CBR4: variants seen among roughly 807,000 people sequenced by gnomAD.
CBR4 encodes the protein carbonyl reductase 4.
In CBR4, 22 loss-of-function variants were observed where a neutral mutation model predicts 21.0. That is an observed-to-expected ratio of 1.05 (90% CI 0.75 to 1.50). The LOEUF is 1.50. Ranked by LOEUF, CBR4 falls within the 40% of genes most tolerant of loss-of-function variation. CBR4 has a pLI of 0.00. For synonymous variants in CBR4, 100 were observed against 104.4 expected, an observed-to-expected ratio of 0.96 and a Z score of 0.26; for missense variants, 302 against 286.3, an observed-to-expected ratio of 1.05 and a Z score of -0.40.
chr4:168,920,359 T>C (rs1761198634), intron 2 of CBR4, among the ~76,000 whole-genome samples: 1 of 152,234 alleles, frequency 6.6e-6, no homozygotes, highest in African/African-American at 2.4e-5. Flanking sequence ...GGAGGCATCT[T>C]GCAGGTAATA....
At chr4:168,994,946 G>T (rs896272620) in intron 4 of CBR4, among the ~76,000 whole-genome samples, 2 of 151,974 alleles carry the variant, frequency 1.3e-5, no homozygotes, top group Admixed American at 6.6e-5. Context: ...TGGAGACAGG[G>T]TTTCACCAGG....
chr4:168,955,724 C>A (rs915089181), intron 2 of CBR4, among the ~76,000 whole-genome samples: 8 of 152,226 alleles, frequency 5.3e-5, no homozygotes, highest in Admixed American at 3.9e-4. Context: ...CTGGGAAAAC[C>A]AGCCTTAGAA....
At chr4:168,937,438 C>T (rs1475175848) in intron 2 of CBR4, among the ~76,000 whole-genome samples, 1 of 152,110 alleles carries the variant, frequency 6.6e-6, no homozygotes, top group African/African-American at 2.4e-5. Context: ...ATCATAATGA[C>T]AGGATCAAAT....
intron 2 of CBR4, among the ~76,000 whole-genome samples, chr4:168,912,921 T>C (rs35509502): frequency 1.3e-5 from 2 of 152,130 alleles, no homozygotes; most frequent in Non-Finnish European, 2.9e-5. Flanking sequence ...GAACAAAATA[T>C]AGGTTTTTTT....
intron 1 of CBR4, among the ~76,000 whole-genome samples, chr4:169,009,680 G>A (rs959315132): frequency 3.3e-5 from 5 of 152,228 alleles, no homozygotes; most frequent in African/African-American, 1.2e-4. Flanking sequence ...GTATAGCGGG[G>A]CCTCAAAAGA....
rs996422339 is a variant in CBR4 at position 168,987,846 on chromosome 4, A to G, written c.*2304T>C. 1 of 978,994 alleles carries G rather than the reference A, an allele frequency of 1.0e-6. No individual in the cohort carries two copies. The highest frequency in any genetic ancestry group is 1.2e-6 in the Non-Finnish European group (1 of 824,218). 60.6% of individuals were successfully genotyped at this position (978,994 alleles called of 1,614,324 possible). On this transcript the variant is annotated 3_prime_UTR_variant, in exon 5 of 5. Transcript: ENST00000306193. The stretch of plus-strand genomic sequence containing the variant: ...TATAACATATAATTATCTCCCTAAA[A>G]AGCAGTTACAAACCATAAATTGAAT...
intron 2 of CBR4, among the ~76,000 whole-genome samples, chr4:168,909,655 AAATT>A (rs1758499130): frequency 6.6e-6 from 1 of 152,204 alleles, no homozygotes; most frequent in African/African-American, 2.4e-5. Flanking sequence ...AGAAATGAGA[AAATT>A]AATAAAAGCA....
chr4:168,975,418 AC>A (rs1764339168), intron 2 of CBR4, among the ~76,000 whole-genome samples: 1 of 152,056 alleles, frequency 6.6e-6, no homozygotes, highest in African/African-American at 2.4e-5. Context: ...TAGACTCAGG[AC>A]CTCTAGTTAG....
intron 2 of CBR4, among the ~76,000 whole-genome samples, chr4:168,934,282 C>CAAAAA (rs60538970): frequency 1.1e-4 from 2 of 18,196 alleles, no homozygotes; most frequent in African/African-American, 1.9e-4. Flanking sequence ...GCAAAAAAAA[C>CAAAAA]AAAAAAAAAA....
At chr4:168,933,395 G>A (rs1036357729) in intron 2 of CBR4, among the ~76,000 whole-genome samples, 3 of 152,004 alleles carry the variant, frequency 2.0e-5, no homozygotes, top group African/African-American at 7.2e-5. Context: ...GGCTATTTAA[G>A]TAAAAAGTGA....
rs571613967 is a variant in CBR4, at chr4:168,915,294, C to T, written n.170-20529G>A. On this transcript the variant is annotated intron_variant and non_coding_transcript_variant, in intron 2 of 3. Transcript: ENST00000509108. ...TGCGATTACTTTCAACTGTATTCCT[C>T]TTAAAGGTTTCTCTGGCAACCTTTA... is the stretch of plus-strand genomic sequence containing the variant. Among the ~76,000 whole-genome samples, 4 of 152,254 alleles carry T rather than the reference C, an allele frequency of 2.6e-5. No homozygotes were observed. The South Asian group carries it at 8.3e-4, about 32-fold the overall frequency.
chr4:169,007,084 T>C (rs988917660), intron 2 of CBR4, among the ~76,000 whole-genome samples, 193 bp from the exon 3 acceptor site: 2 of 152,112 alleles, frequency 1.3e-5, no homozygotes, highest in Non-Finnish European at 2.9e-5. Flanking sequence ...CCAGAAAGGA[T>C]CCACTTGGAA....
At chr4:168,998,142 C>T (rs551479076) in intron 4 of CBR4, among the ~76,000 whole-genome samples, 1 of 152,282 alleles carries the variant, frequency 6.6e-6, no homozygotes, top group South Asian at 2.1e-4. Flanking sequence ...TACTGAAACA[C>T]TTAAGGTATC....
At chr4:168,958,404 T>C (rs984029179) in intron 2 of CBR4, among the ~76,000 whole-genome samples, 22 of 152,372 alleles carry the variant, frequency 1.4e-4, no homozygotes, top group African/African-American at 5.3e-4. Flanking sequence ...TAATAGTTGT[T>C]TTGTATTCCT....
Position 168,926,213 on chromosome 4 carries a change from C to T in CBR4, n.170-31448G>A, listed in dbSNP as rs569054006. ...CTTAATTTACTCTTTTTCTTTGTAG[C>T]CCAGTGGCATCAGCAGTCACAGAGC... On this transcript the variant is annotated intron_variant and non_coding_transcript_variant, in intron 2 of 3. Transcript: ENST00000509108. 3.9e-6 allele frequency: 6 copies of T among 1,527,184 alleles called. No individual in the cohort carries two copies. Among genetic ancestry groups the T allele is most frequent in the Non-Finnish European group, 5.3e-6 (6 of 1,141,194 alleles). The allele number at this position is 1,527,184 out of a possible 1,614,324, so 94.6% of individuals were successfully genotyped here.
chr4:168,955,549 T>C (rs1348649083), intron 2 of CBR4, among the ~76,000 whole-genome samples: 1 of 152,206 alleles, frequency 6.6e-6, no homozygotes, highest in Non-Finnish European at 1.5e-5. Context: ...TTCATTGCTT[T>C]CAGGTTGTAG....
chr4:168,928,774 C>T (rs918640598), intron 2 of CBR4, among the ~76,000 whole-genome samples: 6 of 152,164 alleles, frequency 3.9e-5, no homozygotes, highest in Non-Finnish European at 8.8e-5. Flanking sequence ...CCATGTAGCC[C>T]GCTCCATCTT....
downstream of CBR4, among the ~76,000 whole-genome samples, chr4:168,986,395 G>A (rs571845626): frequency 6.6e-6 from 1 of 152,066 alleles, no homozygotes; most frequent in Non-Finnish European, 1.5e-5. Flanking sequence ...TCTAGAATAG[G>A]TCAAATTCCC....
chr4:168,984,905 A>G (rs1299445186), downstream of CBR4, among the ~76,000 whole-genome samples: 3 of 152,162 alleles, frequency 2.0e-5, no homozygotes, highest in African/African-American at 7.2e-5. Flanking sequence ...ATACACAAAA[A>G]TCAACTCAGG....
Sources: gnomAD v4.1 joint callset for allele counts (sites outside exome capture counted in the v4.1 genomes callset) on GRCh38, gnomAD v4.1.1 for gene constraint, MANE v1.5 for transcripts, NCBI Gene and HGNC (gene_info 2026-07-23, HGNC 2026-07-21) for gene names.